SGCD: variants seen among roughly 807,000 people sequenced by gnomAD.
SGCD encodes the protein delta-sarcoglycan.
Under a neutral mutation model 36.6 loss-of-function variants are expected in SGCD, and 18 were observed. The ratio of observed to expected loss-of-function variants is 0.49; its 90% CI spans 0.34 to 0.73. SGCD has a LOEUF of 0.73. SGCD is among the 30% of genes least tolerant of loss of function. SGCD has a pLI of 0.01. For missense variants in SGCD, 387 were observed against 346.7 expected, an observed-to-expected ratio of 1.12 and a Z score of -0.92; for synonymous variants, 133 against 130.6, an observed-to-expected ratio of 1.02 and a Z score of -0.12.
intron 3 of SGCD, among the ~76,000 whole-genome samples, chr5:156,173,794 C>T (rs1763397191): frequency 6.7e-6 from 1 of 150,082 alleles, no homozygotes; most frequent in Admixed American, 6.6e-5. Flanking sequence ...TTACCTTGAC[C>T]TTTCATGCTT....
the SGCD span, among the ~76,000 whole-genome samples, chr5:155,748,871 G>A: frequency 6.6e-6 from 1 of 152,184 alleles, no homozygotes; most frequent in Non-Finnish European, 1.5e-5. Context: ...GTGAGTCATA[G>A]GCACGACTTC....
At chr5:155,975,427 A>G (rs375158968) in intron 1 of SGCD, among the ~76,000 whole-genome samples, 1 of 152,022 alleles carries the variant, frequency 6.6e-6, no homozygotes. Flanking sequence ...CGGTCCCCCA[A>G]GCAAAGAATT....
chr5:156,466,237 G>A (rs888349609), intron 3 of SGCD, among the ~76,000 whole-genome samples: 1 of 152,166 alleles, frequency 6.6e-6, no homozygotes, highest in South Asian at 2.1e-4. Context: ...GGGAGGATTA[G>A]GTGACAAGGG....
intron 7 of SGCD, among the ~76,000 whole-genome samples, chr5:156,666,868 C>G (rs1048305737): frequency 2.0e-5 from 3 of 152,116 alleles, no homozygotes; most frequent in Admixed American, 6.5e-5. Context: ...AATTTGATCT[C>G]TCTTGCTTTT....
At chr5:156,125,614 A>T (rs992084076) in intron 3 of SGCD, among the ~76,000 whole-genome samples, 2 of 152,036 alleles carry the variant, frequency 1.3e-5, no homozygotes, top group East Asian at 3.8e-4. Context: ...TTTACAAAGT[A>T]GATTAATTAT....
chr5:156,544,138 T>C (rs1309974545), intron 4 of SGCD, among the ~76,000 whole-genome samples: 1 of 152,210 alleles, frequency 6.6e-6, no homozygotes, highest in Non-Finnish European at 1.5e-5. Context: ...TCCCTTAGTC[T>C]AGGTGATATT....
intron 3 of SGCD, among the ~76,000 whole-genome samples, chr5:156,345,653 C>T (rs1344641485): frequency 6.6e-6 from 1 of 152,014 alleles, no homozygotes; most frequent in Non-Finnish European, 1.5e-5. Flanking sequence ...TAGCAAGACC[C>T]GATCTTTGCA....
chr5:156,506,407 G>T (rs151241204), intron 3 of SGCD, among the ~76,000 whole-genome samples: 1 of 151,890 alleles, frequency 6.6e-6, no homozygotes, highest in Non-Finnish European at 1.5e-5. Flanking sequence ...AGTTCCGTCC[G>T]CAGAAACAAA....
the SGCD span, among the ~76,000 whole-genome samples, chr5:155,835,051 A>G: frequency 1.1e-4 from 12 of 111,490 alleles, 1 homozygote; most frequent in East Asian, 3.1e-3. Context: ...TCTGTCACCC[A>G]GGCTAGAGAG....
intron 3 of SGCD, among the ~76,000 whole-genome samples, chr5:156,300,190 TAAAA>T (rs1767015903): frequency 6.6e-6 from 1 of 152,134 alleles, no homozygotes; most frequent in South Asian, 2.1e-4. Context: ...TAAAATGATT[TAAAA>T]TACATCATTA....
the SGCD span, among the ~76,000 whole-genome samples, chr5:155,740,235 A>G: frequency 6.6e-6 from 1 of 152,208 alleles, no homozygotes; most frequent in African/African-American, 2.4e-5. Context: ...AGTAGCTGGG[A>G]CTACAGACAG....
At chr5:156,562,715 G>A (rs1561780349) in intron 4 of SGCD, among the ~76,000 whole-genome samples, 2 of 151,938 alleles carry the variant, frequency 1.3e-5, no homozygotes, top group Admixed American at 6.6e-5. Context: ...CAGAAATCCA[G>A]GTAACAGGCG....
chr5:155,749,144 A>G, the SGCD span, among the ~76,000 whole-genome samples: 3 of 152,198 alleles, frequency 2.0e-5, no homozygotes, highest in African/African-American at 7.2e-5. Context: ...TGTTAATATT[A>G]TTATTATATT....
intron 3 of SGCD, among the ~76,000 whole-genome samples, chr5:156,153,031 G>C (rs1431303575): frequency 6.6e-6 from 1 of 151,520 alleles, no homozygotes; most frequent in East Asian, 1.9e-4. Context: ...GACTTTAAAT[G>C]ACGTAAGCTC....
intron 3 of SGCD, among the ~76,000 whole-genome samples, chr5:156,224,987 T>C (rs1764814111): frequency 6.6e-6 from 1 of 152,110 alleles, no homozygotes; most frequent in South Asian, 2.1e-4. Flanking sequence ...TCCCATTAGG[T>C]TGGCTATTTT....
chr5:156,165,200 A>G (rs190748985), intron 3 of SGCD, among the ~76,000 whole-genome samples: 142 of 152,280 alleles, frequency 9.3e-4, no homozygotes, highest in Middle Eastern at 3.4e-3. Context: ...TGGAGGGAGT[A>G]GAAATTTAGT....
intron 7 of SGCD, among the ~76,000 whole-genome samples, chr5:156,722,369 A>G (rs1217580737): frequency 1.3e-5 from 2 of 152,222 alleles, no homozygotes; most frequent in Non-Finnish European, 2.9e-5. Flanking sequence ...GATTCTTGGC[A>G]GACATAGGAG....
rs538672333 is a variant in SGCD, at chr5:156,199,562, G to A, written c.-44+75543G>A. Among the ~76,000 whole-genome samples, 18 of 152,204 alleles carry A rather than the reference G, an allele frequency of 1.2e-4. No homozygotes were observed. The East Asian group carries it at 1.5e-3, about 13-fold the overall frequency. ...AGGAAAAAGGGACACTGAGATAGGC[G>A]TTTGGAGACTCCCTACTCCAAGTCA... On this transcript the variant is annotated intron_variant, in intron 3 of 9. Coordinates refer to the SGCD transcript ENST00000517913.
chr5:156,120,157 T>C (rs1189039469), intron 2 of SGCD, among the ~76,000 whole-genome samples: 1 of 152,214 alleles, frequency 6.6e-6, no homozygotes, highest in Non-Finnish European at 1.5e-5. Flanking sequence ...TGTCCTTTAC[T>C]GTGCCATGTG....
Sources: gnomAD v4.1 joint callset for allele counts (sites outside exome capture counted in the v4.1 genomes callset) on GRCh38, gnomAD v4.1.1 for gene constraint, MANE v1.5 for transcripts, NCBI Gene and HGNC (gene_info 2026-07-23, HGNC 2026-07-21) for gene names.